AGMO: variants seen among roughly 807,000 people sequenced by gnomAD.
AGMO encodes alkylglycerol monooxygenase.
AGMO carries 75 observed loss-of-function variants against 60.2 expected under a neutral mutation model. The ratio of observed to expected loss-of-function variants is 1.25; its 90% CI spans 1.03 to 1.51. AGMO has a LOEUF of 1.51. Among genes scored for constraint, AGMO ranks in the 40% most tolerant of loss-of-function variants. The probability of loss-of-function intolerance (pLI) is 0.00; values close to 1 mark genes in which losing one functional copy is unlikely to be tolerated. For synonymous variants in AGMO, 261 were observed against 177.1 expected (o/e 1.47, Z -3.76); for missense variants, 763 against 525.5 (o/e 1.45, Z -4.42).
intron 4 of AGMO, among the ~76,000 whole-genome samples, chr7:15,423,195 T>A (rs1562499357): frequency 1.3e-5 from 2 of 152,094 alleles, no homozygotes. Context: ...AAAAGCAATT[T>A]AAAAAAATGT....
At chr7:15,133,275 G>C in the AGMO span, among the ~76,000 whole-genome samples, 1 of 152,158 alleles carries the variant, frequency 6.6e-6, no homozygotes, top group East Asian at 1.9e-4. Flanking sequence ...GACAGTAACT[G>C]TTCCTTTTGT....
At chr7:15,390,551 G>T in intron 8 of AGMO, 120 bp downstream of exon 8, 1 of 636,348 alleles carries the variant, frequency 1.6e-6, no homozygotes. Context: ...TTTTTTAACA[G>T]TTAAAAATTT....
the AGMO span, among the ~76,000 whole-genome samples, chr7:15,188,258 G>C: frequency 1.4e-4 from 22 of 152,100 alleles, no homozygotes; most frequent in African/African-American, 5.3e-4. Flanking sequence ...GTATGATTTT[G>C]AGTAAACTGC....
intron 10 of AGMO, among the ~76,000 whole-genome samples, chr7:15,383,246 G>C (rs901943614): frequency 6.6e-6 from 1 of 152,086 alleles, no homozygotes; most frequent in Non-Finnish European, 1.5e-5. Context: ...AAGGGTCACA[G>C]TTTACAGGAG....
intron 12 of AGMO, among the ~76,000 whole-genome samples, chr7:15,241,236 G>A (rs112947384): frequency 0.022 from 3,383 of 151,658 alleles, 119 homozygotes; most frequent in African/African-American, 0.076. Context: ...CGAGGCGGGC[G>A]GATCACGAGG....
chr7:15,528,337 G>A (rs997480974), intron 3 of AGMO, among the ~76,000 whole-genome samples: 15 of 152,072 alleles, frequency 9.9e-5, no homozygotes, highest in Admixed American at 5.9e-4. Flanking sequence ...AAAAATTGGT[G>A]TGAGTTTCTT....
chr7:15,297,212 A>G (rs868711218), intron 12 of AGMO, among the ~76,000 whole-genome samples: 12 of 152,184 alleles, frequency 7.9e-5, no homozygotes, highest in African/African-American at 2.4e-4. Flanking sequence ...TAGCATAAGT[A>G]CGAAATCCCC....
chr7:15,496,817 C>G (rs992825299), intron 3 of AGMO, among the ~76,000 whole-genome samples: 5 of 152,082 alleles, frequency 3.3e-5, no homozygotes, highest in African/African-American at 1.2e-4. Flanking sequence ...CTTGCATTAC[C>G]TCACCCTGAA....
chr7:15,283,793 C>A (rs1361106197), intron 12 of AGMO, among the ~76,000 whole-genome samples: 2 of 151,904 alleles, frequency 1.3e-5, no homozygotes, highest in East Asian at 3.9e-4. Flanking sequence ...TTCACCAGTA[C>A]ATGGAGCAGT....
chr7:15,249,986 T>C (rs937405390), intron 12 of AGMO, among the ~76,000 whole-genome samples: 1 of 152,216 alleles, frequency 6.6e-6, no homozygotes, highest in Non-Finnish European at 1.5e-5. Context: ...TTTCACAAGA[T>C]TGCACCGGTC....
chr7:15,144,854 G>C, the AGMO span, among the ~76,000 whole-genome samples: 1 of 152,210 alleles, frequency 6.6e-6, no homozygotes, highest in Non-Finnish European at 1.5e-5. Context: ...TGTTGAGACG[G>C]AGTCTCGCTC....
chr7:15,354,353 T>TAC (rs1235732008), intron 12 of AGMO, among the ~76,000 whole-genome samples: 3,192 of 72,456 alleles, frequency 0.044, 481 homozygotes, highest in Middle Eastern at 0.063. Context: ...CGCGTGTATA[T>TAC]AGACGTGTGT....
At chr7:15,135,979 C>CTTTTTTTTTTTTTT in the AGMO span, among the ~76,000 whole-genome samples, 3 of 106,870 alleles carry the variant, frequency 2.8e-5, no homozygotes, top group African/African-American at 7.0e-5. Context: ...TTTTTCTTTT[C>CTTTTTTTTTTTTTT]TTTTTTTTTT....
chr7:15,139,231 G>C, the AGMO span, among the ~76,000 whole-genome samples: 1 of 152,054 alleles, frequency 6.6e-6, no homozygotes, highest in African/African-American at 2.4e-5. Context: ...TCTTTGACTT[G>C]CTTTATCCAC....
intron 12 of AGMO, among the ~76,000 whole-genome samples, chr7:15,229,737 T>A (rs981412131): frequency 6.8e-6 from 1 of 147,094 alleles, no homozygotes; most frequent in Non-Finnish European, 1.5e-5. Flanking sequence ...AATTATATAT[T>A]ATAATATATA....
chr7:15,297,043 ATC>A (rs372530895), intron 12 of AGMO, among the ~76,000 whole-genome samples: 6 of 148,120 alleles, frequency 4.1e-5, no homozygotes, highest in South Asian at 2.1e-4. Flanking sequence ...CCACCTAGCC[ATC>A]TCTCTCTGTC....
At chr7:15,464,043 C>T (rs1363990041) in intron 3 of AGMO, among the ~76,000 whole-genome samples, 1 of 152,140 alleles carries the variant, frequency 6.6e-6, no homozygotes, top group Non-Finnish European at 1.5e-5. Context: ...CAATAATATT[C>T]TCTAGTAATA....
intron 2 of AGMO, among the ~76,000 whole-genome samples, chr7:15,552,849 C>T (rs1361550132): frequency 1.3e-5 from 2 of 149,606 alleles, no homozygotes; most frequent in Middle Eastern, 3.3e-3. Context: ...ATAAATCATG[C>T]TGCTATAAAG....
chr7:15,523,303 A>G (rs1444485051), intron 3 of AGMO, among the ~76,000 whole-genome samples: 1 of 152,216 alleles, frequency 6.6e-6, no homozygotes, highest in East Asian at 1.9e-4. Flanking sequence ...AACTAGAAGT[A>G]CCATTTGACC....
Sources: allele counts gnomAD v4.1 joint callset (sites outside exome capture counted in the v4.1 genomes callset), GRCh38; gene constraint gnomAD v4.1.1; transcripts MANE v1.5; gene names NCBI Gene and HGNC (gene_info 2026-07-23, HGNC 2026-07-21).